The following DMD variants were observed in gnomAD, a reference collection of about 807,000 sequenced individuals.
DMD encodes dystrophin, also known as mutant dystrophin.
DMD carries 63 observed loss-of-function variants against 330.1 expected under a neutral mutation model. That is an observed-to-expected ratio of 0.19 (90% CI 0.16 to 0.24). DMD has a LOEUF of 0.24. Ranked by LOEUF, DMD falls within the 10% of genes least tolerant of loss-of-function variation. DMD has a pLI of 1.00. For synonymous variants in DMD, 1,223 were observed against 959.8 expected, an observed-to-expected ratio of 1.27 and a Z score of -5.07; for missense variants, 3,344 against 2,684.1, an observed-to-expected ratio of 1.25 and a Z score of -5.43.
In DMD at chrX:32,649,559, TAA is replaced by T. The variant is rs1161462889; in HGVS notation, c.961-4409_961-4408del. Among the ~76,000 whole-genome samples, 473 of 54,252 alleles carry T rather than the reference TAA, an allele frequency of 8.7e-3. 9 individuals are homozygous for T. Among genetic ancestry groups the T allele is most frequent in the African/African-American group, 0.053 (425 of 8,043 alleles). The allele number at this position is 54,252 out of a possible 115,157, so 47.1% of individuals were successfully genotyped here. On this transcript the variant is annotated intron_variant, in intron 9 of 78. Transcript: ENST00000357033. Reference sequence around the variant, plus strand: ...CAAAACAGCAAGACTCCGTCTCTTTTAAAAAAAAAAAAAAAAAAAAAAAAGGT... The same window carrying T: ...CAAAACAGCAAGACTCCGTCTCTTTTAAAAAAAAAAAAAAAAAAAAAAGGT...
chrX:32,048,673 C>T (rs2096081970), intron 44 of DMD, among the ~76,000 whole-genome samples: 1 of 110,409 alleles, frequency 9.1e-6, no homozygotes, highest in Non-Finnish European at 1.9e-5. Flanking sequence ...TTCTTTGCCT[C>T]CCCTGCTAAA....
intron 1 of DMD, among the ~76,000 whole-genome samples, chrX:33,187,261 A>G (rs1008413060): frequency 2.7e-5 from 3 of 112,688 alleles, no homozygotes; most frequent in Admixed American, 9.4e-5. Context: ...GTTAATTGCA[A>G]TCACTATTCA....
At chrX:33,003,822 T>C (rs1257032739) in intron 2 of DMD, among the ~76,000 whole-genome samples, 2 of 112,492 alleles carry the variant, frequency 1.8e-5, no homozygotes, top group Non-Finnish European at 3.8e-5. Flanking sequence ...ACATATTATA[T>C]AGTGAGGCAT....
chrX:32,246,640 C>T (rs888889547), intron 43 of DMD, among the ~76,000 whole-genome samples: 2 of 95,191 alleles, frequency 2.1e-5, no homozygotes, highest in Admixed American at 2.4e-4. Context: ...ACAATTTCAG[C>T]TCCTGTTATT....
intron 48 of DMD, among the ~76,000 whole-genome samples, chrX:31,839,407 A>T (rs761545755): frequency 2.1e-4 from 23 of 112,084 alleles, no homozygotes; most frequent in African/African-American, 7.1e-4. Context: ...GCCTATGGGA[A>T]TTGAGTTAAG....
At chrX:31,571,641 C>T (rs2075826458) in intron 55 of DMD, among the ~76,000 whole-genome samples, 1 of 111,146 alleles carries the variant, frequency 9.0e-6, no homozygotes, top group Non-Finnish European at 1.9e-5. Context: ...TCTTCATCAT[C>T]GCAGAGAATT....
At position 31,206,953 on chromosome X, in the gene DMD, C is replaced by T. The variant is rs72466552; in HGVS notation, c.9564-286G>A. ...CCTTATTTGAACTGCAAAAGTTCTA[C>T]ATAAATTAAGAAAAAAAAATTCTAT... On this transcript the variant is annotated intron_variant, in intron 65 of 78. Coordinates refer to ENST00000357033, the MANE Select transcript of DMD (RefSeq NM_004006.3). Among the ~76,000 whole-genome samples the T allele has an allele frequency of 0.057, 2,470 of 43,424 alleles. 22 individuals are homozygous for T. The highest frequency in any genetic ancestry group is 0.1 in the Admixed American group (278 of 2,734). The allele number at this position is 43,424 out of a possible 115,157, so 37.7% of individuals were successfully genotyped here. A position where few individuals can be genotyped will look rare whatever the true frequency, so the allele number is the denominator to read the frequency against.
intron 1 of DMD, among the ~76,000 whole-genome samples, chrX:33,262,811 T>C (rs1387713211): frequency 9.1e-6 from 1 of 109,881 alleles, no homozygotes; most frequent in Non-Finnish European, 1.9e-5. Context: ...TAGAGACCGA[T>C]GAGTGAAAGG....
At chrX:32,242,631 C>G (rs1170065624) in intron 43 of DMD, among the ~76,000 whole-genome samples, 1 of 110,709 alleles carries the variant, frequency 9.0e-6, no homozygotes, top group Non-Finnish European at 1.9e-5. Flanking sequence ...GCTACTTTTC[C>G]AAATAAGAAA....
intron 50 of DMD, among the ~76,000 whole-genome samples, chrX:31,775,695 ATG>A (rs1361037387): frequency 9.0e-6 from 1 of 111,714 alleles, no homozygotes; most frequent in Non-Finnish European, 1.9e-5. Context: ...TTAAAAAAAA[ATG>A]AGACATTGAA....
At chrX:32,261,773 C>T (rs1233982171) in intron 43 of DMD, among the ~76,000 whole-genome samples, 1 of 111,124 alleles carries the variant, frequency 9.0e-6, no homozygotes, top group African/African-American at 3.3e-5. Context: ...GGAAATTCTT[C>T]TGTGGGTTGG....
intron 7 of DMD, among the ~76,000 whole-genome samples, chrX:32,719,530 G>T (rs1427202906): frequency 1.8e-5 from 2 of 111,236 alleles, no homozygotes; most frequent in Non-Finnish European, 3.8e-5. Flanking sequence ...CCTTAGTATT[G>T]CAAAGTTTAA....
rs746945624 is a variant in DMD at position 31,180,519 on chromosome X, C to T, written c.9975-38G>A. The T allele has an allele frequency of 2.1e-5, 19 of 900,506 alleles. No homozygotes were observed. In the East Asian group the frequency reaches 2.2e-4, roughly 10 times the overall value. The allele number at this position is 900,506 out of a possible 1,213,427, so 74.2% of individuals were successfully genotyped here. ...AAAAACAAACACGTATGTATTTCTT[C>T]GAATCAAATTCCCAAAGAACACTCT... On this transcript the variant is annotated intron_variant, in intron 68 of 78. Coordinates refer to ENST00000357033, the MANE Select transcript of DMD (RefSeq NM_004006.3).
chrX:32,669,360 T>C (rs1022241241), intron 9 of DMD, among the ~76,000 whole-genome samples: 1 of 111,730 alleles, frequency 9.0e-6, no homozygotes, highest in African/African-American at 3.3e-5. Context: ...AACTACCTTC[T>C]TTAAAGTCTT....
chrX:32,734,280 C>A (rs1368523998), intron 7 of DMD, among the ~76,000 whole-genome samples: 1 of 95,010 alleles, frequency 1.1e-5, no homozygotes, highest in East Asian at 3.2e-4. Flanking sequence ...CAATAGCTTA[C>A]CAACCAAAAA....
At chrX:32,763,539 C>CT (rs2072590908) in intron 7 of DMD, among the ~76,000 whole-genome samples, 1 of 111,424 alleles carries the variant, frequency 9.0e-6, no homozygotes. Context: ...TAGACTAATA[C>CT]TTGTCAGTAC....
At chrX:31,139,472 TATACACAC>T (rs1197225940) in intron 76 of DMD, among the ~76,000 whole-genome samples, 2 of 83,481 alleles carry the variant, frequency 2.4e-5, no homozygotes, top group Admixed American at 1.4e-4. Context: ...GTGGTGTTTA[TATACACAC>T]ACACACACAC....
At chrX:31,151,851 T>A (rs777403254) in intron 74 of DMD, among the ~76,000 whole-genome samples, 2 of 112,113 alleles carry the variant, frequency 1.8e-5, no homozygotes, top group Non-Finnish European at 3.8e-5. Flanking sequence ...ACCTCTCAAA[T>A]ACACTCCTAA....
chrX:31,495,111 A>T (rs6631317), intron 57 of DMD, among the ~76,000 whole-genome samples: 1 of 109,179 alleles, frequency 9.2e-6, no homozygotes, highest in South Asian at 3.9e-4. Context: ...ATATGAAGGC[A>T]AATGGCTAAA....
Sources: allele counts gnomAD v4.1 joint callset (sites outside exome capture counted in the v4.1 genomes callset), GRCh38; gene constraint gnomAD v4.1.1; transcripts MANE v1.5; gene names NCBI Gene and HGNC (gene_info 2026-07-23, HGNC 2026-07-21).